The following RRBP1 variants were observed in gnomAD, a reference collection of about 807,000 sequenced individuals.
RRBP1 encodes ribosome-binding protein 1.
In RRBP1, 94 loss-of-function variants were observed where a neutral mutation model predicts 165.2. The ratio of observed to expected loss-of-function variants is 0.57; its 90% CI spans 0.48 to 0.68. The LOEUF (loss-of-function observed/expected upper bound fraction) is 0.68, where lower values mean the gene tolerates loss of function less well. Ranked by LOEUF, RRBP1 falls within the 30% of genes least tolerant of loss-of-function variation. RRBP1 has a pLI of 0.00. For missense variants in RRBP1, 1,676 were observed against 1,763.0 expected, an observed-to-expected ratio of 0.95 and a Z score of 0.88; for synonymous variants, 680 against 714.5, an observed-to-expected ratio of 0.95 and a Z score of 0.77.
At chr20:17,645,762 G>C (rs367702299) in intron 3 of RRBP1, among the ~76,000 whole-genome samples, 29 of 152,190 alleles carry the variant, frequency 1.9e-4, no homozygotes, top group African/African-American at 6.5e-4. Flanking sequence ...GTAATCTTCC[G>C]AATTGTGAAA....
intron 8 of RRBP1, among the ~76,000 whole-genome samples, chr20:17,631,857 T>A (rs1319217513): frequency 2.6e-5 from 4 of 152,232 alleles, no homozygotes; most frequent in African/African-American, 9.6e-5. Context: ...AGTCACAATA[T>A]GGAAAGAGCC....
At chr20:17,650,027 C>T (rs756460638) in intron 3 of RRBP1, among the ~76,000 whole-genome samples, 40 of 152,108 alleles carry the variant, frequency 2.6e-4, no homozygotes, top group Non-Finnish European at 5.4e-4. Flanking sequence ...AAAGGAGCAA[C>T]GTGTTCCTTG....
rs200904325 is a variant in RRBP1 at position 17,620,696 on chromosome 20, C to T, written c.3507+19G>A. 2.6e-4 allele frequency: 411 copies of T among 1,589,446 alleles called. 1 individual carries two copies. In the African/African-American group the frequency reaches 4.8e-3, roughly 19 times the overall value. On this transcript the variant is annotated intron_variant, in intron 17 of 24. Coordinates refer to ENST00000377813, the MANE Select transcript of RRBP1 (RefSeq NM_001365613.2). ...TCATGTGCTCCACGGCGCCGGGAGG[C>T]AGGCAGGGCTGCATATACCTTCTGG...
At chr20:17,655,400 G>T (rs908529689) in intron 3 of RRBP1, among the ~76,000 whole-genome samples, 5 of 152,218 alleles carry the variant, frequency 3.3e-5, no homozygotes, top group Non-Finnish European at 5.9e-5. Flanking sequence ...TACAGTTACG[G>T]TTTATCTTGT....
chr20:17,631,070 G>A (rs1192249485), intron 8 of RRBP1, among the ~76,000 whole-genome samples: 2 of 152,234 alleles, frequency 1.3e-5, no homozygotes, highest in Non-Finnish European at 2.9e-5. Context: ...TTTAGGATGG[G>A]CAGTGCTTTC....
chr20:17,650,753 T>A (rs2036541667), intron 3 of RRBP1, among the ~76,000 whole-genome samples: 1 of 152,196 alleles, frequency 6.6e-6, no homozygotes, highest in Non-Finnish European at 1.5e-5. Context: ...GGATCCAGAC[T>A]TGATTCCAGG....
At position 17,641,744 on chromosome 20, in the gene RRBP1, G is replaced by A. The variant is rs971925148; in HGVS notation, c.2184+53C>T. 3.0e-5 allele frequency: 48 copies of A among 1,602,472 alleles called. No homozygotes were observed. In the African/African-American group the frequency reaches 4.7e-4, roughly 16 times the overall value. ...GGGATCCACCGTGGATGGGGCGGGG[G>A]TCCTCTGAGGACGGGAGAGGACAAA... On this transcript the variant is annotated intron_variant, in intron 5 of 24. Transcript: ENST00000377813.
At chr20:17,671,424 G>A (rs1263627327) in intron 2 of RRBP1, among the ~76,000 whole-genome samples, 2 of 152,278 alleles carry the variant, frequency 1.3e-5, no homozygotes, top group African/African-American at 2.4e-5. Flanking sequence ...TGATCTGCTC[G>A]CCCCTGGACT....
Position 17,624,529 on chromosome 20 carries a change from C to G in RRBP1, c.3147+47G>C, listed in dbSNP as rs376568330. On this transcript the variant is annotated intron_variant, in intron 13 of 24. Transcript: ENST00000377813. ...GTACGTCTTAGTGCATTTGTGCATC[C>G]TAGTGCACTTTCCATGGTGGGGGTG... The G allele has an allele frequency of 5.4e-6, 7 of 1,293,898 alleles. No individual in the cohort carries two copies. The African/African-American group carries it at 1.0e-4, about 19-fold the overall frequency. The allele number at this position is 1,293,898 out of a possible 1,614,324, so 80.2% of individuals were successfully genotyped here.
chr20:17,629,743 G>C, intron 9 of RRBP1, 80 bp downstream of exon 9: 1 of 1,439,674 alleles, frequency 6.9e-7, no homozygotes. Flanking sequence ...ACTGAGTTCT[G>C]GCACTGGCAG....
chr20:17,680,852 A>C (rs905953027), intron 1 of RRBP1, among the ~76,000 whole-genome samples: 3 of 152,054 alleles, frequency 2.0e-5, no homozygotes, highest in Non-Finnish European at 2.9e-5. Context: ...CCTTCCTACA[A>C]GTGCTGGGTC....
intron 8 of RRBP1, among the ~76,000 whole-genome samples, chr20:17,632,398 C>CATG (rs1443242738): frequency 6.6e-6 from 1 of 152,220 alleles, no homozygotes; most frequent in East Asian, 1.9e-4. Flanking sequence ...AAAACACAAT[C>CATG]ATGGGCAGGC....
chr20:17,620,153 G>A, intron 18 of RRBP1, 146 bp downstream of exon 18: 1 of 695,950 alleles, frequency 1.4e-6, no homozygotes. Flanking sequence ...AAACAGGATG[G>A]ACAAGATCCC....
chr20:17,614,828 G>C lies in RRBP1; in HGVS notation c.4103C>G (p.Thr1368Arg). 7 of 1,613,800 alleles carry C rather than the reference G, an allele frequency of 4.3e-6. No individual in the cohort carries two copies. Among genetic ancestry groups the C allele is most frequent in the Non-Finnish European group, 5.9e-6 (7 of 1,180,008 alleles). ...KLTSDLGRAA[T>R]RLQELLKTTQ... ...CGTCTTCAGAAGCTCCTGCAGTCTC[G>C]TGGCGGCGCGCCCCAGGTCACTTGT... is the stretch of plus-strand genomic sequence containing the variant. The change falls in exon 24 of 25, where the codon ACG (threonine) becomes AGG (arginine). Residue 1368 changes from threonine to arginine, a missense_variant. Thr to Arg is a moderately conservative substitution (Grantham distance 71, BLOSUM62 -1). Around this residue, in one of 5 missense-constraint regions of RRBP1, gnomAD observed 1,184 missense variants for 1,167.1 expected, o/e 1.01. Transcript: ENST00000377813.
At position 17,624,526 on chromosome 20, in the gene RRBP1, ATCCTAGTGCACTT is replaced by A. The variant is rs747789924; in HGVS notation, c.3147+37_3147+49del. On this transcript the variant is annotated intron_variant, in intron 13 of 24. Coordinates refer to ENST00000377813, the MANE Select transcript of RRBP1 (RefSeq NM_001365613.2). ...TCTGTACGTCTTAGTGCATTTGTGCATCCTAGTGCACTTTCCATGGTGGGGGTGTGAGTGTGGT... is the reference window on the plus strand; with the variant it reads ...TCTGTACGTCTTAGTGCATTTGTGCATCCATGGTGGGGGTGTGAGTGTGGT... 8.7e-5 allele frequency: 109 copies of A among 1,257,180 alleles called. No homozygotes were observed. The African/African-American group carries it at 1.5e-3, about 18-fold the overall frequency. 77.9% of individuals were successfully genotyped at this position (1,257,180 alleles called of 1,614,324 possible). A position where few individuals can be genotyped will look rare whatever the true frequency, so the allele number is the denominator to read the frequency against.
chr20:17,674,560 G>A (rs947234975), intron 2 of RRBP1, among the ~76,000 whole-genome samples: 9 of 151,970 alleles, frequency 5.9e-5, no homozygotes, highest in African/African-American at 9.7e-5. Context: ...TCAGGAGATC[G>A]AGACCATCCT....
chr20:17,665,973 T>C (rs1193798151), intron 2 of RRBP1, among the ~76,000 whole-genome samples: 3 of 152,214 alleles, frequency 2.0e-5, no homozygotes, highest in African/African-American at 4.8e-5. Context: ...CAGACTCAGA[T>C]GGCCATTTCT....
Position 17,658,947 on chromosome 20 carries a change from T to G in RRBP1, c.1561A>C (p.Lys521Gln). 6.2e-7 allele frequency: 1 copy of G among 1,612,924 alleles called. No homozygotes were observed. ...KGEGAQNQGK[K>Q]TEGAQGKKAE... Reference sequence around the variant, plus strand: ...TTTTTGCCCTGAGCCCCTTCTGTCTTTTTACCCTGATTCTGGGCTCCCTCT... The same window carrying G: ...TTTTTGCCCTGAGCCCCTTCTGTCTGTTTACCCTGATTCTGGGCTCCCTCT... Residue 521 changes from lysine (K) to glutamine (Q), a missense_variant, in exon 3 of 25, where the codon AAG (lysine) becomes CAG (glutamine). Physicochemically the swap from Lys to Gln is moderately conservative, Grantham distance 53. Around this residue, in one of 5 missense-constraint regions of RRBP1, gnomAD observed 1,184 missense variants for 1,167.1 expected, o/e 1.01. Transcript: ENST00000377813.
intron 7 of RRBP1, among the ~76,000 whole-genome samples, chr20:17,635,277 G>A (rs1457135168): frequency 1.3e-5 from 2 of 152,208 alleles, no homozygotes; most frequent in Non-Finnish European, 2.9e-5. Flanking sequence ...CCTAGTACCA[G>A]TGCATCTGAA....
Sources: gnomAD v4.1 joint callset for allele counts (sites outside exome capture counted in the v4.1 genomes callset) on GRCh38, gnomAD v4.1.1 for gene constraint, gnomAD v4.1.1 regional missense constraint, MANE v1.5 for transcripts, NCBI Gene and HGNC (gene_info 2026-07-23, HGNC 2026-07-21) for gene names.